The following GIMAP8 variants were observed in gnomAD, a reference collection of about 807,000 sequenced individuals.
GIMAP8 encodes GTPase IMAP family member 8.
A neutral mutation model predicts 35.6 loss-of-function variants in GIMAP8; 29 were observed. The observed-to-expected ratio is 0.81, with a 90% CI of 0.61 to 1.11. The LOEUF is 1.11. GIMAP8 is among the 50% of genes most tolerant of loss of function. GIMAP8 has a pLI of 0.00. For synonymous variants in GIMAP8, 335 were observed against 308.7 expected (o/e 1.09, Z -0.89); for missense variants, 811 against 805.0 (o/e 1.01, Z -0.09).
intron 1 of GIMAP8, among the ~76,000 whole-genome samples, chr7:150,462,316 C>A (rs1189919992): frequency 1.3e-5 from 2 of 152,158 alleles, no homozygotes; most frequent in East Asian, 1.9e-4. Context: ...AGCTCAGAGG[C>A]CTGACACATT....
intron 3 of GIMAP8, 58 bp downstream of exon 3, chr7:150,470,932 G>A (rs1802076698): frequency 2.4e-6 from 3 of 1,233,692 alleles, no homozygotes; most frequent in South Asian, 2.4e-5. Context: ...AATGCATTCT[G>A]CAGCCAAAGT....
chr7:150,478,135 T>C lies in GIMAP8; in HGVS notation c.*355T>C. The C allele has an allele frequency of 3.9e-6, 1 of 258,598 alleles. No individual in the cohort carries two copies. Among genetic ancestry groups the C allele is most frequent in the Non-Finnish European group, 7.4e-6 (1 of 134,706 alleles). The allele number at this position is 258,598 out of a possible 1,614,324, so 16.0% of individuals were successfully genotyped here. A position where few individuals can be genotyped will look rare whatever the true frequency, so the allele number is the denominator to read the frequency against. ...TGATCAAGGCTGAGGCCACCTGGGA[T>C]GAGAATATAGATAGTCGTACAACAA... On this transcript the variant is annotated 3_prime_UTR_variant, in exon 5 of 5. Transcript: ENST00000307271.
At chr7:150,463,937 G>T (rs1488192710) in intron 1 of GIMAP8, among the ~76,000 whole-genome samples, 1 of 152,220 alleles carries the variant, frequency 6.6e-6, no homozygotes, top group Non-Finnish European at 1.5e-5. Context: ...AGTGCCAGTA[G>T]CAGTGGTGGG....
At chr7:150,464,946 C>T (rs1324947449) in intron 1 of GIMAP8, among the ~76,000 whole-genome samples, 1 of 152,162 alleles carries the variant, frequency 6.6e-6, no homozygotes, top group African/African-American at 2.4e-5. Context: ...TCTGCTGGAG[C>T]AGTTTTGATG....
intron 2 of GIMAP8, 66 bp from the exon 3 acceptor site, chr7:150,470,763 T>TTTTTTTA: frequency 1.4e-6 from 1 of 717,030 alleles, no homozygotes; most frequent in Non-Finnish European, 2.2e-6. Flanking sequence ...TTTTTTTTTT[T>TTTTTTTA]TTTTTCAGTT....
At chr7:150,460,218 A>G (rs1801814775) in intron 1 of GIMAP8, among the ~76,000 whole-genome samples, 1 of 152,164 alleles carries the variant, frequency 6.6e-6, no homozygotes, top group African/African-American at 2.4e-5. Context: ...GGATCCACAG[A>G]ATGGGTCATT....
Position 150,474,345 on chromosome 7 carries a change from A to G in GIMAP8, c.1016A>G (p.Asn339Ser). 4 of 1,614,230 alleles carry G rather than the reference A, an allele frequency of 2.5e-6. No individual in the cohort carries two copies. Among genetic ancestry groups the G allele is most frequent in the Non-Finnish European group, 3.4e-6 (4 of 1,180,020 alleles). The part of the protein sequence containing the change: ...LVTPLGFYTK[N>S]DEAVLSTIQN... ...ACACCACTGGGCTTTTACACTAAGA[A>G]TGATGAGGCAGTGCTGAGCACCATC... Residue 339 changes from asparagine (N) to serine (S), a missense_variant, in exon 4 of 5, where the codon AAT becomes AGT. Asn to Ser is a conservative substitution (Grantham distance 46). Coordinates refer to ENST00000307271, the MANE Select transcript of GIMAP8 (RefSeq NM_175571.4).
chr7:150,474,971 G>C lies in GIMAP8; in HGVS notation c.1309+333G>C, dbSNP rs868653700. Among the ~76,000 whole-genome samples, 7 of 151,646 alleles carry C rather than the reference G, an allele frequency of 4.6e-5. No individual in the cohort carries two copies. In the South Asian group the frequency reaches 1.2e-3, roughly 27 times the overall value. On this transcript the variant is annotated intron_variant, in intron 4 of 4. Transcript: ENST00000307271. ...TTCCCACCTATGAGTGAGAATATGC[G>C]GTGTTTGGTTTTTTGTTCTTGCGAT...
At chr7:150,464,604 GC>G (rs1448992440) in intron 1 of GIMAP8, among the ~76,000 whole-genome samples, 1 of 152,094 alleles carries the variant, frequency 6.6e-6, no homozygotes, top group African/African-American at 2.4e-5. Flanking sequence ...GATGACTTGA[GC>G]CCAGAAGGTT....
intron 1 of GIMAP8, among the ~76,000 whole-genome samples, chr7:150,459,670 C>A (rs1277582218): frequency 2.6e-5 from 4 of 152,248 alleles, no homozygotes; most frequent in African/African-American, 9.6e-5. Flanking sequence ...GGCCATTCCA[C>A]TTTTCTATCA....
Position 150,473,956 on chromosome 7 carries a change from C to T in GIMAP8, c.683-56C>T, listed in dbSNP as rs1252280241. 6.4e-5 allele frequency: 99 copies of T among 1,537,636 alleles called. No homozygotes were observed. The Middle Eastern group carries it at 7.2e-4, about 11-fold the overall frequency. ...AGGGATGAGAAATCATAAAACCTGCCCACATCCATATTCAACTGCAGGAAG... is the reference window on the plus strand; with the variant it reads ...AGGGATGAGAAATCATAAAACCTGCTCACATCCATATTCAACTGCAGGAAG... On this transcript the variant is annotated intron_variant, in intron 3 of 4. Transcript: ENST00000307271.
At chr7:150,474,740 A>G in intron 4 of GIMAP8, 102 bp downstream of exon 4, 1 of 784,314 alleles carries the variant, frequency 1.3e-6, no homozygotes, top group Non-Finnish European at 1.8e-6. Flanking sequence ...TTTTTTTATT[A>G]TACTTTAAGT....
At chr7:150,458,674 G>T (rs1585112551) in intron 1 of GIMAP8, among the ~76,000 whole-genome samples, 1 of 152,208 alleles carries the variant, frequency 6.6e-6, no homozygotes, top group Middle Eastern at 3.4e-3. Context: ...CATCTAACAT[G>T]ATACAACTGT....
In GIMAP8 at chr7:150,451,421, C is replaced by G. The variant is rs533024325; in HGVS notation, c.-29+246C>G. ...ATGGCAGAGTTGAATGGCAGGGGCC[C>G]TGGGAAGCTTTCCTCCTGGTCCAAA... On this transcript the variant is annotated intron_variant, in intron 1 of 4. Coordinates refer to ENST00000307271, the MANE Select transcript of GIMAP8 (RefSeq NM_175571.4). This position sits in a 1 kb window ranked among gnomAD's most constrained non-coding sequence, Gnocchi z 4.1. Among the ~76,000 whole-genome samples the G allele has an allele frequency of 9.2e-5, 14 of 152,254 alleles. No individual in the cohort carries two copies. Among genetic ancestry groups the G allele is most frequent in the Non-Finnish European group, 1.8e-4 (12 of 67,990 alleles).
Position 150,466,742 on chromosome 7 carries a change from T to A in GIMAP8, c.44T>A (p.Leu15His). The part of the protein sequence containing the change: ...SCQMSELRLL[L>H]LGKCRSGKSA... ...CAGATGTCCGAACTGCGGCTCCTCC[T>A]CCTGGGAAAATGCCGCTCGGGAAAA... The change falls in exon 2 of 5, where the codon CTC becomes CAC. Residue 15 changes from leucine to histidine, a missense_variant. Physicochemically the swap from Leu to His is moderately conservative, Grantham distance 99 (BLOSUM62 -3). Transcript: ENST00000307271. The A allele has an allele frequency of 1.9e-6, 3 of 1,614,230 alleles. No individual in the cohort carries two copies. Among genetic ancestry groups the A allele is most frequent in the Non-Finnish European group, 2.5e-6 (3 of 1,180,032 alleles).
At chr7:150,452,596 T>A (rs1409702452) in intron 1 of GIMAP8, among the ~76,000 whole-genome samples, 1 of 148,042 alleles carries the variant, frequency 6.8e-6, no homozygotes, top group East Asian at 1.9e-4. Context: ...TGTATATATA[T>A]GTATATATGT....
intron 1 of GIMAP8, among the ~76,000 whole-genome samples, chr7:150,460,935 C>G (rs149208836): frequency 6.6e-6 from 1 of 152,216 alleles, no homozygotes; most frequent in Non-Finnish European, 1.5e-5. Flanking sequence ...TAAGGCCCAG[C>G]GGCAGGCCAA....
At chr7:150,470,560 G>C (rs1802065007) in intron 2 of GIMAP8, among the ~76,000 whole-genome samples, 1 of 151,888 alleles carries the variant, frequency 6.6e-6, no homozygotes, top group Non-Finnish European at 1.5e-5. Context: ...TCCATACTGG[G>C]AGCAGTGAGG....
chr7:150,473,721 T>A (rs750937828), intron 3 of GIMAP8, among the ~76,000 whole-genome samples: 10 of 151,814 alleles, frequency 6.6e-5, no homozygotes, highest in African/African-American at 9.7e-5. Context: ...AGTACTTACC[T>A]TTGATAACAA....
Sources: gnomAD v4.1 joint callset for allele counts (sites outside exome capture counted in the v4.1 genomes callset) on GRCh38, gnomAD v4.1.1 for gene constraint, Gnocchi (gnomAD v3.1) non-coding constraint, MANE v1.5 for transcripts, NCBI Gene and HGNC (gene_info 2026-07-23, HGNC 2026-07-21) for gene names.